Variants in RBFOX1 observed in about 807,000 individuals in gnomAD.
RBFOX1 encodes RNA binding fox-1 homolog 1, also known as RNA binding protein fox-1 homolog 1.
RBFOX1 carries 8 observed loss-of-function variants against 57.7 expected under a neutral mutation model. The observed-to-expected ratio is 0.14, with a 90% CI of 0.08 to 0.25. The LOEUF (loss-of-function observed/expected upper bound fraction) is 0.25, where lower values mean the gene tolerates loss of function less well. RBFOX1 is among the 10% of genes least tolerant of loss of function. The pLI, the probability that RBFOX1 is intolerant of heterozygous loss-of-function variation, is 1.00. For synonymous variants in RBFOX1, 326 were observed against 222.4 expected, an observed-to-expected ratio of 1.47 and a Z score of -4.15; for missense variants, 611 against 548.5, an observed-to-expected ratio of 1.11 and a Z score of -1.14.
At chr16:5,964,569 GTATC>G (rs1357466097) in intron 4 of RBFOX1, among the ~76,000 whole-genome samples, 1 of 151,940 alleles carries the variant, frequency 6.6e-6, no homozygotes, top group Non-Finnish European at 1.5e-5. Flanking sequence ...GTGTATATAT[GTATC>G]TATGTGTGTA....
intron 1 of RBFOX1, among the ~76,000 whole-genome samples, chr16:6,083,728 T>C (rs1026712916): frequency 6.6e-6 from 1 of 151,998 alleles, no homozygotes; most frequent in Non-Finnish European, 1.5e-5. Context: ...CCTCCTACCT[T>C]GGCCTCCCAA....
intron 4 of RBFOX1, among the ~76,000 whole-genome samples, chr16:7,222,347 G>A (rs1435199194): frequency 6.6e-6 from 1 of 152,218 alleles, no homozygotes; most frequent in Admixed American, 6.5e-5. Flanking sequence ...TATATAGGTA[G>A]TTTATATGTC....
chr16:5,877,478 G>A (rs2057643629), intron 4 of RBFOX1, among the ~76,000 whole-genome samples: 1 of 152,246 alleles, frequency 6.6e-6, no homozygotes, highest in Admixed American at 6.5e-5. Context: ...GGCTTCAGAT[G>A]AGATGGGTCT....
chr16:6,312,653 TTTCCTTCC>T (rs71145211), intron 1 of RBFOX1, among the ~76,000 whole-genome samples: 41,134 of 125,854 alleles, frequency 0.33, 7,151 homozygotes, highest in East Asian at 0.43. Flanking sequence ...TAGTTCCTTC[TTTCCTTCC>T]TTCCTTCCTT....
chr16:6,422,408 C>T (rs80265224), intron 2 of RBFOX1, among the ~76,000 whole-genome samples: 1 of 152,080 alleles, frequency 6.6e-6, no homozygotes, highest in Non-Finnish European at 1.5e-5. Context: ...CTGTCTTTCC[C>T]CTCCAGTGGC....
intron 3 of RBFOX1, among the ~76,000 whole-genome samples, chr16:5,633,386 T>C (rs1359369423): frequency 1.3e-5 from 2 of 152,172 alleles, no homozygotes; most frequent in African/African-American, 4.8e-5. Context: ...TTACAGGTGG[T>C]TTTTCATTAC....
chr16:7,646,715 C>G (rs1299280542), intron 11 of RBFOX1, among the ~76,000 whole-genome samples: 2 of 152,244 alleles, frequency 1.3e-5, no homozygotes, highest in South Asian at 2.1e-4. Context: ...GGTTTTGCAT[C>G]TGCTACTCTT....
chr16:7,083,765 G>T (rs1044286957), intron 4 of RBFOX1, among the ~76,000 whole-genome samples: 1 of 151,544 alleles, frequency 6.6e-6, no homozygotes, highest in Admixed American at 6.6e-5. Flanking sequence ...TGCCCAGAAG[G>T]CACCGTGCAT....
chr16:6,941,788 C>T (rs938681984), intron 3 of RBFOX1, among the ~76,000 whole-genome samples: 3 of 152,154 alleles, frequency 2.0e-5, no homozygotes, highest in African/African-American at 7.2e-5. Context: ...AACTCATACT[C>T]ACCCTATTGG....
At position 5,529,983 on chromosome 16, in the gene RBFOX1, G is replaced by A. The variant is rs549134433; in HGVS notation, c.258+62729G>A. 2.0e-5 allele frequency among the ~76,000 whole-genome samples: 3 copies of A among 152,200 alleles called. No individual in the cohort carries two copies. The South Asian group carries it at 6.2e-4, about 32-fold the overall frequency. ...GAAACCACAGAACCCAAGGCAAGAG[G>A]CACACAACAGATTCTTCCTCACAGC... On this transcript the variant is annotated intron_variant, in intron 2 of 2. Coordinates refer to the RBFOX1 transcript ENST00000585867.
chr16:5,820,704 G>T (rs114979905), intron 3 of RBFOX1, among the ~76,000 whole-genome samples: 5 of 152,110 alleles, frequency 3.3e-5, no homozygotes, highest in Admixed American at 6.5e-5. Flanking sequence ...TTGTTGGGAC[G>T]CGACTCCAGC....
At chr16:6,255,204 A>G (rs1598861155) in intron 1 of RBFOX1, among the ~76,000 whole-genome samples, 2 of 152,086 alleles carry the variant, frequency 1.3e-5, no homozygotes, top group East Asian at 3.9e-4. Context: ...TAATCACCCC[A>G]TTTGCTTTGA....
intron 4 of RBFOX1, among the ~76,000 whole-genome samples, chr16:7,267,614 G>C (rs2095197907): frequency 6.6e-6 from 1 of 151,412 alleles, no homozygotes; most frequent in Admixed American, 6.6e-5. Context: ...TAGTACTTTG[G>C]GAGGCTGAGG....
At chr16:7,130,911 G>A (rs569902545) in intron 4 of RBFOX1, among the ~76,000 whole-genome samples, 1 of 152,312 alleles carries the variant, frequency 6.6e-6, no homozygotes, top group Non-Finnish European at 1.5e-5. Flanking sequence ...AGCAATGACT[G>A]CCTTCAGTTT....
intron 3 of RBFOX1, among the ~76,000 whole-genome samples, chr16:6,820,784 A>G (rs904618013): frequency 6.6e-6 from 1 of 152,220 alleles, no homozygotes; most frequent in East Asian, 1.9e-4. Flanking sequence ...TTATTACTGC[A>G]AAAGGCCTGT....
intron 2 of RBFOX1, among the ~76,000 whole-genome samples, chr16:6,388,478 T>G (rs1267456406): frequency 6.6e-6 from 1 of 152,148 alleles, no homozygotes; most frequent in Non-Finnish European, 1.5e-5. Flanking sequence ...TTACTTATTA[T>G]TTATTATTTT....
chr16:7,224,708 C>G (rs1320257401), intron 4 of RBFOX1, among the ~76,000 whole-genome samples: 1 of 152,152 alleles, frequency 6.6e-6, no homozygotes, highest in Non-Finnish European at 1.5e-5. Flanking sequence ...AATGAATATT[C>G]TAAAACCAAT....
chr16:7,599,457 A>T (rs1568024752), intron 9 of RBFOX1, among the ~76,000 whole-genome samples: 1 of 151,882 alleles, frequency 6.6e-6, no homozygotes, highest in Non-Finnish European at 1.5e-5. Context: ...GACCTGTAGG[A>T]TTTTTTAACA....
At chr16:5,549,618 A>G (rs999257614) in intron 2 of RBFOX1, among the ~76,000 whole-genome samples, 2 of 152,196 alleles carry the variant, frequency 1.3e-5, no homozygotes, top group African/African-American at 4.8e-5. Flanking sequence ...ACCAGATGGG[A>G]AAAATTGGGT....
Sources: gnomAD v4.1 joint callset for allele counts (sites outside exome capture counted in the v4.1 genomes callset) on GRCh38, gnomAD v4.1.1 for gene constraint, MANE v1.5 for transcripts, NCBI Gene and HGNC (gene_info 2026-07-23, HGNC 2026-07-21) for gene names.